CLSPN: variants seen among roughly 807,000 people sequenced by gnomAD.
The protein encoded by CLSPN is claspin.
CLSPN carries 85 observed loss-of-function variants against 156.3 expected under a neutral mutation model. The ratio of observed to expected loss-of-function variants is 0.54; its 90% CI spans 0.46 to 0.65. CLSPN has a LOEUF of 0.65. Ranked by LOEUF, CLSPN falls within the 30% of genes least tolerant of loss-of-function variation. The probability of loss-of-function intolerance (pLI) is 0.00; values close to 1 mark genes in which losing one functional copy is unlikely to be tolerated. For missense variants in CLSPN, 1,407 were observed against 1,554.9 expected (o/e 0.90, Z 1.60); for synonymous variants, 534 against 542.4 (o/e 0.98, Z 0.22).
intron 8 of CLSPN, among the ~76,000 whole-genome samples, chr1:35,754,808 C>A (rs2148622107): frequency 6.6e-6 from 1 of 152,268 alleles, no homozygotes; most frequent in East Asian, 1.9e-4. Context: ...GAAAATACTG[C>A]AGCCCCAGTA....
Position 35,764,543 on chromosome 1 carries a change from C to T in CLSPN, c.305G>A (p.Arg102Lys), listed in dbSNP as rs1642603082. Residue 102 changes from arginine to lysine, a missense_variant, in exon 3 of 25, where the codon AGG becomes AAG. Physicochemically the swap from Arg to Lys is conservative, Grantham distance 26 (BLOSUM62 2). This residue lies in a region of CLSPN where 1,096 missense variants were observed against 1,193.0 expected (regional missense o/e 0.92). Coordinates refer to ENST00000318121, the MANE Select transcript of CLSPN (RefSeq NM_022111.4). The stretch of plus-strand genomic sequence containing the variant: ...ACTGTCTGCCACAGTTTTGTAAATC[C>T]TTTTGATTTTTGTATTTTTCCCAGC... ...LYAGKNTKIK[R>K]IYKTVADSDE... The T allele has an allele frequency of 6.2e-7, 1 of 1,613,774 alleles. No homozygotes were observed. The highest frequency in any genetic ancestry group is 8.5e-7 in the Non-Finnish European group (1 of 1,179,954).
downstream of CLSPN, among the ~76,000 whole-genome samples, chr1:35,727,570 A>G (rs966336426): frequency 3.9e-5 from 6 of 152,224 alleles, no homozygotes; most frequent in Admixed American, 3.9e-4. Context: ...ATCATGCCTC[A>G]GGCTGCAGGC....
At chr1:35,769,489 C>T (rs1195032991) in intron 1 of CLSPN, among the ~76,000 whole-genome samples, 2 of 152,224 alleles carry the variant, frequency 1.3e-5, no homozygotes, top group African/African-American at 2.4e-5. Flanking sequence ...GCTAGAGCCT[C>T]CCGGCTTTCA....
At chr1:35,729,159 T>A (rs1158066354), downstream of CLSPN, among the ~76,000 whole-genome samples, 1 of 152,122 alleles carries the variant, frequency 6.6e-6, no homozygotes, top group African/African-American at 2.4e-5. Flanking sequence ...TCCTTCAGCC[T>A]CTGAGAAAAA....
intron 8 of CLSPN, among the ~76,000 whole-genome samples, chr1:35,757,777 T>A (rs950452965): frequency 6.6e-6 from 1 of 152,220 alleles, no homozygotes; most frequent in Non-Finnish European, 1.5e-5. Context: ...GCTAGTTCTG[T>A]TATACAACTC....
At chr1:35,767,369 T>C (rs538925965) in intron 1 of CLSPN, among the ~76,000 whole-genome samples, 80 of 152,322 alleles carry the variant, frequency 5.3e-4, no homozygotes, top group African/African-American at 1.9e-3. Flanking sequence ...ATATGATATC[T>C]TGGATTTTCT....
chr1:35,735,374 C>G lies in CLSPN; in HGVS notation c.*1122G>C. 1 of 985,402 alleles carries G rather than the reference C, an allele frequency of 1.0e-6. No homozygotes were observed. The highest frequency in any genetic ancestry group is 1.2e-6 in the Non-Finnish European group (1 of 829,928). The allele number at this position is 985,402 out of a possible 1,614,324, so 61.0% of individuals were successfully genotyped here. On this transcript the variant is annotated 3_prime_UTR_variant, in exon 25 of 25. Transcript: ENST00000318121. ...GAAAATGAAAGGGGTAAGAGTAATA[C>G]AGCAGCCCATCTGTTGGTTCCTAGG...
chr1:35,757,759 G>A (rs1334143635), intron 8 of CLSPN, among the ~76,000 whole-genome samples: 1 of 152,142 alleles, frequency 6.6e-6, no homozygotes, highest in Non-Finnish European at 1.5e-5. Context: ...CTTTGCTAAT[G>A]GAGCTATGCT....
exon 25 of CLSPN, chr1:35,720,925 C>G: frequency 6.2e-7 from 1 of 1,612,262 alleles, no homozygotes. Context: ...CCTGAAGAAT[C>G]CAGGGATAGG....
intron 8 of CLSPN, among the ~76,000 whole-genome samples, chr1:35,758,729 TA>T (rs1642372483): frequency 6.6e-6 from 1 of 152,118 alleles, no homozygotes; most frequent in Non-Finnish European, 1.5e-5. Flanking sequence ...TTGTTTATAC[TA>T]TCCATTTGCA....
chr1:35,746,818 T>C lies in CLSPN; in HGVS notation c.2802A>G (p.Lys934=), dbSNP rs1398100527. 2 of 1,614,122 alleles carry C rather than the reference T, an allele frequency of 1.2e-6. No individual in the cohort carries two copies. The highest frequency in any genetic ancestry group is 1.7e-6 in the Non-Finnish European group (2 of 1,179,984). Residue 934 remains lysine (K), a synonymous_variant, in exon 15 of 25, where the codon AAA becomes AAG. Coordinates refer to ENST00000318121, the MANE Select transcript of CLSPN (RefSeq NM_022111.4). The surrounding 1 kb of genome is among the most constrained non-coding windows in gnomAD (Gnocchi z 4.2). ...GGTTCAGAAGTTCCTCCATGTTCTC[T>C]TTCTTGTCACTCTTCCTGGGTAGAT... ...EKHLPRKSDK[K]ENMEELLNLC...
At position 35,733,326 on chromosome 1, in the gene CLSPN, T is replaced by C. The variant is rs77749164; in HGVS notation, c.*3170A>G. On this transcript the variant is annotated 3_prime_UTR_variant, in exon 25 of 25. Transcript: ENST00000318121. ...CTAATTTTCTTTTTTTTTTCTTTTTTTTTTTTTTTTTAGAGTTGGGATTTC... is the reference window on the plus strand; with the variant it reads ...CTAATTTTCTTTTTTTTTTCTTTTTCTTTTTTTTTTTAGAGTTGGGATTTC... 16,516 of 240,962 alleles carry C rather than the reference T, an allele frequency of 0.069. 1,199 individuals are homozygous for C. The highest frequency in any genetic ancestry group is 0.21 in the African/African-American group (8,991 of 42,290). The allele number at this position is 240,962 out of a possible 1,614,324, so 14.9% of individuals were successfully genotyped here.
chr1:35,753,602 G>C (rs530072422), intron 9 of CLSPN, 143 bp downstream of exon 9: 11 of 722,766 alleles, frequency 1.5e-5, no homozygotes, highest in Non-Finnish European at 2.3e-5. Context: ...TGTGCTACAC[G>C]TGAATCATGC....
chr1:35,759,210 A>C (rs1329939618), intron 8 of CLSPN, among the ~76,000 whole-genome samples: 1 of 152,226 alleles, frequency 6.6e-6, no homozygotes, highest in Non-Finnish European at 1.5e-5. Context: ...CCACTGAGGA[A>C]GCACTAGGGA....
Position 35,732,615 on chromosome 1 carries a change from AC to A in CLSPN, c.*3880del, listed in dbSNP as rs1230767749. 1.0e-6 allele frequency: 1 copy of A among 985,332 alleles called. No homozygotes were observed. The highest frequency in any genetic ancestry group is 6.1e-5 in the Admixed American group (1 of 16,264). The allele number at this position is 985,332 out of a possible 1,614,324, so 61.0% of individuals were successfully genotyped here. A position where few individuals can be genotyped will look rare whatever the true frequency, so the allele number is the denominator to read the frequency against. On this transcript the variant is annotated 3_prime_UTR_variant, in exon 25 of 25. Transcript: ENST00000318121. ...CTCAAGTGTATGGAACAAGGAAGAA[AC>A]AAAAACACTGACACTGAGCCTACCC...
At chr1:35,762,380 C>T (rs926924064) in intron 5 of CLSPN, 24 bp downstream of exon 5, 1 of 1,567,548 alleles carries the variant, frequency 6.4e-7, no homozygotes, top group Admixed American at 1.7e-5. Context: ...ATCAGTGTGA[C>T]TAATATACAG....
intron 18 of CLSPN, among the ~76,000 whole-genome samples, chr1:35,739,822 G>A (rs1641632679): frequency 6.6e-6 from 1 of 152,200 alleles, no homozygotes; most frequent in South Asian, 2.1e-4. Context: ...TCAGGATATA[G>A]TCCCATTGTA....
intron 8 of CLSPN, among the ~76,000 whole-genome samples, chr1:35,759,829 CT>C (rs530890885): frequency 2.6e-3 from 339 of 128,272 alleles, no homozygotes; most frequent in African/African-American, 5.8e-3. Flanking sequence ...TATCAACAAC[CT>C]TTTTTTTTTT....
intron 8 of CLSPN, 139 bp downstream of exon 8, chr1:35,760,203 C>A (rs1479446154): frequency 9.2e-6 from 6 of 652,096 alleles, no homozygotes; most frequent in East Asian, 2.8e-5. Flanking sequence ...AAAGACTCTG[C>A]CCATATCTGG....
Sources: allele counts gnomAD v4.1 joint callset (sites outside exome capture counted in the v4.1 genomes callset), GRCh38; gene constraint gnomAD v4.1.1; regional missense constraint gnomAD v4.1.1; non-coding constraint Gnocchi (gnomAD v3.1); transcripts MANE v1.5; gene names NCBI Gene and HGNC (gene_info 2026-07-23, HGNC 2026-07-21).